The following CEP350 variants were observed in gnomAD, a reference collection of about 807,000 sequenced individuals.
CEP350 encodes the protein centrosome-associated protein 350.
A neutral mutation model predicts 331.8 loss-of-function variants in CEP350; 126 were observed. The observed-to-expected ratio is 0.38, with a 90% CI of 0.33 to 0.44. The LOEUF (loss-of-function observed/expected upper bound fraction) is 0.44, where lower values mean the gene tolerates loss of function less well. Among genes scored for constraint, CEP350 ranks in the 20% least tolerant of loss-of-function variants. The pLI is 1.00. For synonymous variants in CEP350, 1,200 were observed against 1,259.5 expected, an observed-to-expected ratio of 0.95 and a Z score of 1.00; for missense variants, 3,406 against 3,634.6, an observed-to-expected ratio of 0.94 and a Z score of 1.62.
intron 14 of CEP350, among the ~76,000 whole-genome samples, chr1:180,027,608 C>T (rs1160382441): frequency 1.3e-5 from 2 of 152,156 alleles, no homozygotes; most frequent in Non-Finnish European, 1.5e-5. Flanking sequence ...TGGTCTCAAA[C>T]TCCTGGGCTC....
intron 15 of CEP350, among the ~76,000 whole-genome samples, chr1:180,032,487 T>G (rs1449938112): frequency 6.6e-6 from 1 of 152,106 alleles, no homozygotes; most frequent in Admixed American, 6.5e-5. Context: ...AAACATTTCT[T>G]AATGAGATCC....
intron 1 of CEP350, chr1:179,969,111 C>T: frequency 1.5e-6 from 1 of 670,134 alleles, no homozygotes; most frequent in Non-Finnish European, 2.8e-6. Flanking sequence ...GTGGACATTG[C>T]CATCCCGTGC....
chr1:180,022,610 C>T (rs1250116900), intron 12 of CEP350, 88 bp from the exon 13 acceptor site: 8 of 1,095,794 alleles, frequency 7.3e-6, no homozygotes, highest in Non-Finnish European at 9.3e-6. Flanking sequence ...TCCCTAAGCC[C>T]ATATTGCTAA....
chr1:179,971,858 A>C (rs1031256944), intron 1 of CEP350, among the ~76,000 whole-genome samples: 2 of 152,186 alleles, frequency 1.3e-5, no homozygotes, highest in African/African-American at 4.8e-5. Flanking sequence ...ACAAAGTCTT[A>C]ATATTATTAT....
chr1:179,977,945 A>G (rs1651994427), intron 1 of CEP350, among the ~76,000 whole-genome samples: 1 of 150,354 alleles, frequency 6.7e-6, no homozygotes, highest in African/African-American at 2.4e-5. Context: ...AAATATTTTT[A>G]TCTATAAAAA....
intron 25 of CEP350, among the ~76,000 whole-genome samples, chr1:180,055,546 C>CTTTTTTTTT (rs71118430): frequency 3.4e-5 from 3 of 87,474 alleles, no homozygotes; most frequent in Non-Finnish European, 6.2e-5. Flanking sequence ...TGAATTCCAT[C>CTTTTTTTTT]TTTTTTTTTT....
chr1:180,076,171 G>A (rs1034331943), intron 28 of CEP350, among the ~76,000 whole-genome samples: 6 of 151,742 alleles, frequency 4.0e-5, no homozygotes, highest in Admixed American at 6.6e-5. Flanking sequence ...CTAGATTAAA[G>A]GCGGCAGTTG....
At chr1:180,098,310 G>T (rs748100027) in intron 36 of CEP350, among the ~76,000 whole-genome samples, 15 of 144,726 alleles carry the variant, frequency 1.0e-4, no homozygotes, top group Non-Finnish European at 2.1e-4. Context: ...TTTCTTTGCA[G>T]ATTAATCAGT....
chr1:180,109,250 G>C (rs1212968913), intron 37 of CEP350, among the ~76,000 whole-genome samples: 3 of 150,942 alleles, frequency 2.0e-5, no homozygotes, highest in Non-Finnish European at 4.4e-5. Context: ...TCTCTGAGTA[G>C]CTGCGATTAC....
intron 23 of CEP350, 66 bp from the exon 24 acceptor site, chr1:180,053,684 C>A: frequency 1.0e-6 from 1 of 956,530 alleles, no homozygotes; most frequent in Non-Finnish European, 1.5e-6. Context: ...ATGCATACCT[C>A]TTTTAGTGGA....
chr1:179,959,129 G>A (rs1297334881), intron 1 of CEP350, among the ~76,000 whole-genome samples: 1 of 152,186 alleles, frequency 6.6e-6, no homozygotes, highest in African/African-American at 2.4e-5. Context: ...CATCAACAGA[G>A]TGTCTCATAA....
At chr1:180,072,422 A>C (rs1297109096) in intron 27 of CEP350, among the ~76,000 whole-genome samples, 1 of 152,160 alleles carries the variant, frequency 6.6e-6, no homozygotes, top group Non-Finnish European at 1.5e-5. Context: ...TACACTTAAG[A>C]GGGTGGGTGA....
chr1:180,004,926 TC>T lies in CEP350; in HGVS notation c.1133-1527del, dbSNP rs1654147565. 7.3e-5 allele frequency among the ~76,000 whole-genome samples: 3 copies of T among 40,988 alleles called. No individual in the cohort carries two copies. In the Admixed American group the frequency reaches 1.3e-3, roughly 18 times the overall value. 26.9% of individuals were successfully genotyped at this position (40,988 alleles called of 152,430 possible). On this transcript the variant is annotated intron_variant, in intron 7 of 37. Transcript: ENST00000367607. ...TGCTTGCTTTCTTTCTTTCTTTCTT[TC>T]TTTCTTTCTTTCTTTCTTTCTTTCT... is the stretch of plus-strand genomic sequence containing the variant.
chr1:180,002,935 G>A (rs993123088), intron 6 of CEP350, among the ~76,000 whole-genome samples: 2 of 152,140 alleles, frequency 1.3e-5, no homozygotes, highest in African/African-American at 4.8e-5. Flanking sequence ...GGGATGGAGG[G>A]GGTCATATGA....
At chr1:180,052,940 A>G (rs1406353898) in intron 22 of CEP350, 30 bp from the exon 23 acceptor site, 1 of 861,766 alleles carries the variant, frequency 1.2e-6, no homozygotes, top group Non-Finnish European at 1.8e-6. Flanking sequence ...AATTATAATG[A>G]TAAAATCTAC....
At chr1:180,078,064 C>G (rs4652463) in intron 28 of CEP350, among the ~76,000 whole-genome samples, 86,315 of 151,614 alleles carry the variant, frequency 0.57, 26,381 homozygotes, top group East Asian at 0.72. Flanking sequence ...TCCCGGGAAG[C>G]GAAGGTTACA....
At chr1:180,003,068 G>T (rs1257240026) in intron 6 of CEP350, 106 bp from the exon 7 acceptor site, 1 of 690,728 alleles carries the variant, frequency 1.4e-6, no homozygotes, top group South Asian at 2.0e-5. Context: ...AACACTAAAA[G>T]AGTGAATTTT....
Position 180,094,318 on chromosome 1 carries a change from T to A in CEP350, c.8213T>A (p.Leu2738Gln). Residue 2738 changes from leucine (L) to glutamine (Q), a missense_variant, in exon 34 of 38, where the codon CTA becomes CAA. Transcript: ENST00000367607. The part of the protein sequence containing the change: ...NQLEAQLKSS[L>Q]NEEKKSKQQL... Reference sequence around the variant, plus strand: ...CTGGAAGCCCAGCTGAAGTCATCACTAAATGAGGAAAAAAAGTCAAAACAA... The same window carrying A: ...CTGGAAGCCCAGCTGAAGTCATCACAAAATGAGGAAAAAAAGTCAAAACAA... 1 of 1,613,752 alleles carries A rather than the reference T, an allele frequency of 6.2e-7. No individual in the cohort carries two copies. The highest frequency in any genetic ancestry group is 8.5e-7 in the Non-Finnish European group (1 of 1,179,842).
chr1:180,020,800 C>G lies in CEP350; in HGVS notation c.3026C>G (p.Ala1009Gly). 6.2e-7 allele frequency: 1 copy of G among 1,613,136 alleles called. No homozygotes were observed. The highest frequency in any genetic ancestry group is 8.5e-7 in the Non-Finnish European group (1 of 1,179,710). Residue 1009 changes from alanine to glycine, a missense_variant, in exon 12 of 38, where the codon GCA (alanine) becomes GGA (glycine). By Grantham distance (60) the Ala-to-Gly change is moderately conservative. This residue lies in a region of CEP350 where 1,857 missense variants were observed against 1,909.2 expected (regional missense o/e 0.97). Coordinates refer to ENST00000367607, the MANE Select transcript of CEP350 (RefSeq NM_014810.5). The part of the protein sequence containing the change: ...DQDGQPLLKV[A>G]EILKEKEFCP... ...GATGGACAGCCCCTTTTGAAAGTAG[C>G]AGAAATTTTAAAAGAAAAGGAATTT...
Sources: allele counts gnomAD v4.1 joint callset (sites outside exome capture counted in the v4.1 genomes callset), GRCh38; gene constraint gnomAD v4.1.1; regional missense constraint gnomAD v4.1.1; transcripts MANE v1.5; gene names NCBI Gene and HGNC (gene_info 2026-07-23, HGNC 2026-07-21).